The following CAPN14 variants were observed in gnomAD, a reference collection of about 807,000 sequenced individuals.
The protein encoded by CAPN14 is calpain 14.
A neutral mutation model predicts 101.3 loss-of-function variants in CAPN14; 94 were observed. That is an observed-to-expected ratio of 0.93 (90% CI 0.79 to 1.10). CAPN14 has a LOEUF of 1.10. CAPN14 is among the 50% of genes least tolerant of loss of function. The pLI is 0.00. For synonymous variants in CAPN14, 338 were observed against 317.9 expected, an observed-to-expected ratio of 1.06 and a Z score of -0.67; for missense variants, 837 against 828.4, an observed-to-expected ratio of 1.01 and a Z score of -0.13.
Position 31,205,507 on chromosome 2 carries a change from GGAGA to G in CAPN14, c.-52-12_-52-9del. 7.4e-7 allele frequency: 1 copy of G among 1,358,676 alleles called. No individual in the cohort carries two copies. The highest frequency in any genetic ancestry group is 1.3e-5 in the South Asian group (1 of 79,954). 84.2% of individuals were successfully genotyped at this position (1,358,676 alleles called of 1,614,324 possible). ...GAGGAGTCTCTGCTGCTCCTGAAAT[GGAGA>G]GAGGACGGTCAGTTTCCTCACTTCC... On this transcript the variant is annotated splice_polypyrimidine_tract_variant and intron_variant, in intron 1 of 21. Coordinates refer to ENST00000403897, the MANE Select transcript of CAPN14 (RefSeq NM_001145122.2).
rs149004599 is a variant in CAPN14 at position 31,186,659 on chromosome 2, C to A, written c.1588-174G>T. On this transcript the variant is annotated intron_variant, in intron 15 of 21. Transcript: ENST00000403897. ...CCTGGCAGGGCATGACTTTCAAGAA[C>A]AGTGATTCTCGAAGGTGCTATCCAG... Among the ~76,000 whole-genome samples, 64 of 152,316 alleles carry A rather than the reference C, an allele frequency of 4.2e-4. No homozygotes were observed. In the East Asian group the frequency reaches 0.011, roughly 25 times the overall value.
At chr2:31,199,446 A>G (rs1294487141) in intron 7 of CAPN14, 24 bp downstream of exon 7, 8 of 1,548,590 alleles carry the variant, frequency 5.2e-6, no homozygotes, top group Non-Finnish European at 6.1e-6. Context: ...TGAGAGGGAA[A>G]CCGAAGGGCC....
chr2:31,216,585 C>A (rs146618751), intron 1 of CAPN14, among the ~76,000 whole-genome samples: 2 of 152,216 alleles, frequency 1.3e-5, no homozygotes, highest in East Asian at 3.9e-4. Context: ...CCTAACTCAT[C>A]CAAGAATTCT....
intron 3 of CAPN14, 35 bp downstream of exon 3, chr2:31,203,035 C>G: frequency 6.5e-7 from 1 of 1,528,838 alleles, no homozygotes; most frequent in Non-Finnish European, 8.9e-7. Context: ...CAGCAGGCAG[C>G]CTAGTGTCTG....
Position 31,189,291 on chromosome 2 carries a change from G to A in CAPN14, c.1475C>T (p.Ser492Phe), listed in dbSNP as rs1279031158. 3 of 1,551,204 alleles carry A rather than the reference G, an allele frequency of 1.9e-6. No homozygotes were observed. Among genetic ancestry groups the A allele is most frequent in the African/African-American group, 1.4e-5 (1 of 73,042 alleles). The change falls in exon 13 of 22, where the codon TCC becomes TTC. Residue 492 changes from serine to phenylalanine, a missense_variant. Physicochemically the swap from Ser to Phe is radical, Grantham distance 155. Transcript: ENST00000403897. Reference protein sequence around the residue: ...QKSEFVLRVFSRKHIFYEIGS... With the variant: ...QKSEFVLRVFFRKHIFYEIGS... The stretch of plus-strand genomic sequence containing the variant: ...TCCTTACTAAAAGATGTGCTTCCTG[G>A]AGAAGACCCTGAGGACGAACTCTGA...
intron 1 of CAPN14, among the ~76,000 whole-genome samples, chr2:31,213,775 T>C (rs934076181): frequency 6.6e-6 from 1 of 152,198 alleles, no homozygotes; most frequent in African/African-American, 2.4e-5. Context: ...AATCCCTTAT[T>C]TAGATGTGAT....
intron 1 of CAPN14, among the ~76,000 whole-genome samples, chr2:31,209,090 C>T (rs1042903062): frequency 5.3e-5 from 8 of 152,112 alleles, no homozygotes; most frequent in Admixed American, 3.3e-4. Context: ...CTGCCTCAAC[C>T]TCTCATGTAG....
chr2:31,189,850 C>T (rs1449887009), intron 12 of CAPN14, among the ~76,000 whole-genome samples: 2 of 152,160 alleles, frequency 1.3e-5, no homozygotes, highest in Non-Finnish European at 2.9e-5. Context: ...ACAGTCCCAG[C>T]CCGATGGGAA....
In CAPN14 at chr2:31,205,317, A is replaced by C. The variant is rs1682017095; in HGVS notation, c.131T>G (p.Phe44Cys). The part of the protein sequence containing the change: ...LAECLRNGCL[F>C]EDTSFPATLS... ...GGTGGCCGGGAAGCTGGTGTCTTCA[A>C]AGAGGCAGCCATTCCTCAGGCACTC... is the stretch of plus-strand genomic sequence containing the variant. The change falls in exon 2 of 22, where the codon TTT becomes TGT. Residue 44 changes from phenylalanine (F) to cysteine (C), a missense_variant. Transcript: ENST00000403897. 6.4e-7 allele frequency: 1 copy of C among 1,550,930 alleles called. No homozygotes were observed. The highest frequency in any genetic ancestry group is 8.7e-7 in the Non-Finnish European group (1 of 1,146,964).
chr2:31,215,359 C>T (rs1682595029), intron 1 of CAPN14, among the ~76,000 whole-genome samples: 1 of 152,010 alleles, frequency 6.6e-6, no homozygotes, highest in Non-Finnish European at 1.5e-5. Flanking sequence ...TCATCTCCTC[C>T]TCTGATCCTG....
chr2:31,208,319 CT>C (rs961178336), intron 1 of CAPN14, among the ~76,000 whole-genome samples: 22 of 152,160 alleles, frequency 1.4e-4, no homozygotes, highest in African/African-American at 1.4e-4. Flanking sequence ...CAAGGTCTCC[CT>C]TTTTGCCCCT....
intron 12 of CAPN14, among the ~76,000 whole-genome samples, chr2:31,189,858 G>C (rs1308678338): frequency 6.6e-6 from 1 of 152,098 alleles, no homozygotes; most frequent in Non-Finnish European, 1.5e-5. Context: ...AGCCCGATGG[G>C]AATTAAGGAC....
In CAPN14 at chr2:31,173,075, T is replaced by C. The variant is rs1411479733; in HGVS notation, c.*1606A>G. 1 of 152,144 alleles carries C rather than the reference T, an allele frequency of 6.6e-6. No individual in the cohort carries two copies. The highest frequency in any genetic ancestry group is 1.5e-5 in the Non-Finnish European group (1 of 68,014). 9.4% of individuals were successfully genotyped at this position (152,144 alleles called of 1,614,324 possible). On this transcript the variant is annotated 3_prime_UTR_variant, in exon 22 of 22. Transcript: ENST00000403897. ...ACTGCCTTCAGGGGCCAAGGCAAAATTGGTTTATTAAAACAGCTATTTGCA... is the reference window on the plus strand; with the variant it reads ...ACTGCCTTCAGGGGCCAAGGCAAAACTGGTTTATTAAAACAGCTATTTGCA...
At chr2:31,225,760 T>C (rs1683003826) in intron 2 of CAPN14, among the ~76,000 whole-genome samples, 1 of 152,060 alleles carries the variant, frequency 6.6e-6, no homozygotes, top group Non-Finnish European at 1.5e-5. Flanking sequence ...GGTGGTATGG[T>C]GTTGACTGGG....
At chr2:31,177,223 C>T (rs915825417) in intron 19 of CAPN14, 81 bp from the exon 20 acceptor site, 5 of 899,156 alleles carry the variant, frequency 5.6e-6, no homozygotes, top group Non-Finnish European at 6.9e-6. Flanking sequence ...CTTCAAATGT[C>T]CCTCCAGTTT....
At chr2:31,202,522 G>T (rs939734002) in intron 3 of CAPN14, among the ~76,000 whole-genome samples, 3 of 152,150 alleles carry the variant, frequency 2.0e-5, no homozygotes, top group African/African-American at 7.2e-5. Flanking sequence ...CCTATCCTCA[G>T]GAATTGGGAC....
At chr2:31,228,392 T>G (rs927898250) in intron 1 of CAPN14, 1 of 152,182 alleles carries the variant, frequency 6.6e-6, no homozygotes, top group African/African-American at 2.4e-5. Flanking sequence ...AGTTAGTATC[T>G]GAGTGGGAGA....
At position 31,189,321 on chromosome 2, in the gene CAPN14, T is replaced by C. The variant is rs1221266802; in HGVS notation, c.1445A>G (p.Gln482Arg). 6.4e-7 allele frequency: 1 copy of C among 1,551,720 alleles called. No individual in the cohort carries two copies. The highest frequency in any genetic ancestry group is 2.0e-5 in the Admixed American group (1 of 51,014). Residue 482 changes from glutamine (Q) to arginine (R), a missense_variant, in exon 13 of 22, where the codon CAG becomes CGG. Transcript: ENST00000403897. ...GACCCTGAGGACGAACTCTGACTTC[T>C]GGTGGGCCTCCAATATGCAGGGCAC... Reference protein sequence around the residue: ...LIVPCILEAHQKSEFVLRVFS... With the variant: ...LIVPCILEAHRKSEFVLRVFS...
intron 6 of CAPN14, 134 bp downstream of exon 6, chr2:31,200,317 T>G: frequency 1.3e-6 from 1 of 775,786 alleles, no homozygotes. Flanking sequence ...GCTGCTCTGG[T>G]TTGAACACCA....
Sources: allele counts gnomAD v4.1 joint callset (sites outside exome capture counted in the v4.1 genomes callset), GRCh38; gene constraint gnomAD v4.1.1; transcripts MANE v1.5; gene names NCBI Gene and HGNC (gene_info 2026-07-23, HGNC 2026-07-21).